Variants in KCNIP4 observed in about 807,000 individuals in gnomAD.
KCNIP4 encodes potassium voltage-gated channel interacting protein 4.
A neutral mutation model predicts 34.0 loss-of-function variants in KCNIP4; 12 were observed. The observed-to-expected ratio is 0.35, with a 90% CI of 0.23 to 0.57. The LOEUF (loss-of-function observed/expected upper bound fraction) is 0.57, where lower values mean the gene tolerates loss of function less well. KCNIP4 is among the 20% of genes least tolerant of loss of function. The pLI is 0.83. For synonymous variants in KCNIP4, 124 were observed against 102.2 expected, an observed-to-expected ratio of 1.21 and a Z score of -1.29; for missense variants, 238 against 311.7, an observed-to-expected ratio of 0.76 and a Z score of 1.78.
Position 21,225,833 on chromosome 4 carries a change from G to T in KCNIP4, c.62-343124C>A, listed in dbSNP as rs150690864. Among the ~76,000 whole-genome samples the T allele has an allele frequency of 1.2e-4, 19 of 152,204 alleles. No homozygotes were observed. The East Asian group carries it at 3.7e-3, about 30-fold the overall frequency. On this transcript the variant is annotated intron_variant, in intron 1 of 8. Transcript: ENST00000382152. ...CAGTATTTAGTTGGAGACAAGATAG[G>T]CTTAGTCAACTTGCCAACGGCTTAA...
intron 5 of KCNIP4, among the ~76,000 whole-genome samples, chr4:20,738,642 G>T (rs1401714528): frequency 1.3e-5 from 2 of 152,184 alleles, no homozygotes; most frequent in Non-Finnish European, 1.5e-5. Context: ...TGGCTACATA[G>T]GAACAGCTCC....
At chr4:21,121,961 G>A (rs1355204923) in intron 1 of KCNIP4, among the ~76,000 whole-genome samples, 1 of 152,210 alleles carries the variant, frequency 6.6e-6, no homozygotes, top group East Asian at 1.9e-4. Flanking sequence ...GATGAAGTAT[G>A]TAAAAGTATC....
intron 1 of KCNIP4, among the ~76,000 whole-genome samples, chr4:21,823,486 G>A (rs796926201): frequency 2.0e-5 from 3 of 147,968 alleles, no homozygotes; most frequent in African/African-American, 7.6e-5. Flanking sequence ...ACATAAATGT[G>A]CATGCCATTT....
At chr4:21,148,024 T>G (rs1203448097) in intron 1 of KCNIP4, among the ~76,000 whole-genome samples, 1 of 151,008 alleles carries the variant, frequency 6.6e-6, no homozygotes, top group African/African-American at 2.4e-5. Context: ...AGTACTATTT[T>G]TATGAATTCT....
chr4:21,937,425 T>TG (rs1490434921), intron 1 of KCNIP4, among the ~76,000 whole-genome samples: 2 of 152,058 alleles, frequency 1.3e-5, no homozygotes, highest in Non-Finnish European at 2.9e-5. Context: ...CCTAGACTAA[T>TG]GGGACCGCCT....
At chr4:21,151,673 G>A (rs1329560656) in intron 1 of KCNIP4, among the ~76,000 whole-genome samples, 3 of 151,976 alleles carry the variant, frequency 2.0e-5, no homozygotes, top group Admixed American at 2.0e-4. Flanking sequence ...GAGGATTAGG[G>A]CTTCAGCATA....
chr4:21,709,766 C>T (rs954074983), intron 1 of KCNIP4, among the ~76,000 whole-genome samples: 23 of 152,162 alleles, frequency 1.5e-4, no homozygotes, highest in Non-Finnish European at 5.9e-5. Context: ...TACAGAATCA[C>T]AGAAACATAT....
chr4:20,741,105 C>T (rs539782753), intron 5 of KCNIP4, among the ~76,000 whole-genome samples: 2 of 152,252 alleles, frequency 1.3e-5, no homozygotes, highest in Non-Finnish European at 2.9e-5. Context: ...GACTTAGACT[C>T]CCACACAATA....
chr4:21,857,084 G>C (rs544573090), intron 1 of KCNIP4, among the ~76,000 whole-genome samples: 1 of 152,230 alleles, frequency 6.6e-6, no homozygotes, highest in Non-Finnish European at 1.5e-5. Flanking sequence ...CCACCTTCAA[G>C]TGGGGAAAGG....
intron 1 of KCNIP4, among the ~76,000 whole-genome samples, chr4:21,105,644 T>A (rs964921715): frequency 3.3e-5 from 5 of 151,416 alleles, no homozygotes; most frequent in African/African-American, 9.8e-5. Context: ...TGAATAGGAG[T>A]GGTGGGAGAG....
chr4:20,844,727 C>T (rs927357301), intron 3 of KCNIP4, among the ~76,000 whole-genome samples: 2 of 152,042 alleles, frequency 1.3e-5, no homozygotes, highest in Non-Finnish European at 2.9e-5. Context: ...ATGTACTTTG[C>T]AAAAATGTAG....
At chr4:20,843,685 G>A (rs895711458) in intron 3 of KCNIP4, among the ~76,000 whole-genome samples, 45 of 152,154 alleles carry the variant, frequency 3.0e-4, no homozygotes, top group African/African-American at 7.5e-4. Flanking sequence ...AGTGGAGATC[G>A]CGCCACTGCA....
intron 1 of KCNIP4, among the ~76,000 whole-genome samples, chr4:21,722,060 A>G (rs1342479138): frequency 6.6e-6 from 1 of 151,946 alleles, no homozygotes; most frequent in Non-Finnish European, 1.5e-5. Flanking sequence ...AAAAACTTAG[A>G]CTCCTTAAGA....
chr4:21,496,370 G>A (rs16871216), intron 1 of KCNIP4, among the ~76,000 whole-genome samples: 5,912 of 152,160 alleles, frequency 0.039, 327 homozygotes, highest in African/African-American at 0.12. Context: ...GGATCTAGTG[G>A]GACAGCTCAG....
At chr4:21,236,291 T>A (rs1264589482) in intron 1 of KCNIP4, among the ~76,000 whole-genome samples, 1 of 152,216 alleles carries the variant, frequency 6.6e-6, no homozygotes, top group Non-Finnish European at 1.5e-5. Flanking sequence ...GATGGCAATG[T>A]GAATTTCACA....
At chr4:21,752,371 G>A (rs1717207014) in intron 1 of KCNIP4, among the ~76,000 whole-genome samples, 1 of 152,072 alleles carries the variant, frequency 6.6e-6, no homozygotes, top group Non-Finnish European at 1.5e-5. Context: ...CAGTAGGAAA[G>A]AGAGAGTGAG....
intron 1 of KCNIP4, among the ~76,000 whole-genome samples, chr4:21,594,281 C>A (rs560263884): frequency 9.2e-5 from 14 of 152,090 alleles, no homozygotes; most frequent in Admixed American, 7.2e-4. Context: ...ATAAACAATT[C>A]AATATTTTTG....
chr4:20,757,513 C>T (rs1444327878), intron 4 of KCNIP4, among the ~76,000 whole-genome samples: 1 of 152,116 alleles, frequency 6.6e-6, no homozygotes, highest in African/African-American at 2.4e-5. Flanking sequence ...GGACATTTCA[C>T]CCTCCATTGT....
intron 1 of KCNIP4, among the ~76,000 whole-genome samples, chr4:21,798,980 G>A (rs1404556943): frequency 6.6e-6 from 1 of 151,702 alleles, no homozygotes; most frequent in Admixed American, 6.6e-5. Flanking sequence ...TTGACTATGA[G>A]CTGACATTTT....
Sources: gnomAD v4.1 joint callset for allele counts (sites outside exome capture counted in the v4.1 genomes callset) on GRCh38, gnomAD v4.1.1 for gene constraint, MANE v1.5 for transcripts, NCBI Gene and HGNC (gene_info 2026-07-23, HGNC 2026-07-21) for gene names.